The following SLC25A21 variants were observed in gnomAD, a reference collection of about 807,000 sequenced individuals.
SLC25A21 encodes mitochondrial 2-oxodicarboxylate carrier.
A neutral mutation model predicts 43.8 loss-of-function variants in SLC25A21; 47 were observed. The ratio of observed to expected loss-of-function variants is 1.07; its 90% confidence interval spans 0.85 to 1.37. The LOEUF is 1.37. Among genes scored for constraint, SLC25A21 ranks in the 40% most tolerant of loss-of-function variants. The probability of loss-of-function intolerance (pLI) is 0.00; values close to 1 mark genes in which losing one functional copy is unlikely to be tolerated. For synonymous variants in SLC25A21, 131 were observed against 121.3 expected, an observed-to-expected ratio of 1.08 and a Z score of -0.52; for missense variants, 352 against 350.2, an observed-to-expected ratio of 1.00 and a Z score of -0.04.
intron 1 of SLC25A21, among the ~76,000 whole-genome samples, chr14:37,034,827 G>A (rs1393277545): frequency 6.6e-6 from 1 of 152,230 alleles, no homozygotes; most frequent in East Asian, 1.9e-4. Flanking sequence ...GATGGACACA[G>A]GAGGGGTGAG....
intron 3 of SLC25A21, among the ~76,000 whole-genome samples, chr14:36,798,802 G>A (rs1887762842): frequency 6.6e-6 from 1 of 151,998 alleles, no homozygotes; most frequent in Non-Finnish European, 1.5e-5. Context: ...GAGAGATTAA[G>A]AAATATTTAA....
chr14:36,979,328 T>C (rs1444846776), intron 1 of SLC25A21, among the ~76,000 whole-genome samples: 10 of 150,700 alleles, frequency 6.6e-5, no homozygotes. Context: ...GTAGTGTTTT[T>C]TTGGTTTTTT....
At chr14:37,105,552 T>C (rs560513048) in intron 1 of SLC25A21, among the ~76,000 whole-genome samples, 1 of 152,258 alleles carries the variant, frequency 6.6e-6, no homozygotes, top group African/African-American at 2.4e-5. Context: ...TAGAATATGC[T>C]TTTTAATTTT....
intron 7 of SLC25A21, among the ~76,000 whole-genome samples, chr14:36,692,332 T>C (rs1882825440): frequency 6.6e-6 from 1 of 152,142 alleles, no homozygotes; most frequent in African/African-American, 2.4e-5. Flanking sequence ...AAATTCAACA[T>C]CAGAAACGTG....
At chr14:37,066,635 G>T (rs1467512291) in intron 1 of SLC25A21, among the ~76,000 whole-genome samples, 1 of 152,092 alleles carries the variant, frequency 6.6e-6, no homozygotes, top group Non-Finnish European at 1.5e-5. Flanking sequence ...CATGATGTAT[G>T]TAATTTACAA....
intron 1 of SLC25A21, among the ~76,000 whole-genome samples, chr14:37,034,309 G>A (rs1238792666): frequency 1.3e-5 from 2 of 152,014 alleles, no homozygotes; most frequent in East Asian, 1.9e-4. Context: ...ATGAGCCACC[G>A]TGCTTGGCCT....
At chr14:36,852,521 C>T (rs971372244) in intron 2 of SLC25A21, among the ~76,000 whole-genome samples, 2 of 152,054 alleles carry the variant, frequency 1.3e-5, no homozygotes, top group East Asian at 3.9e-4. Context: ...TCTTAGCCTA[C>T]GGAACTAGAT....
intron 1 of SLC25A21, among the ~76,000 whole-genome samples, chr14:37,066,466 T>C (rs778350313): frequency 6.6e-6 from 1 of 151,960 alleles, no homozygotes; most frequent in Non-Finnish European, 1.5e-5. Flanking sequence ...AAATGGATTA[T>C]GTGAACAGAT....
chr14:36,772,604 T>C lies in SLC25A21; in HGVS notation c.204-38031A>G, dbSNP rs529877161. Among the ~76,000 whole-genome samples, 17 of 152,346 alleles carry C rather than the reference T, an allele frequency of 1.1e-4. No homozygotes were observed. In the South Asian group the frequency reaches 3.5e-3, roughly 32 times the overall value. On this transcript the variant is annotated intron_variant, in intron 3 of 9. Transcript: ENST00000331299. The stretch of plus-strand genomic sequence containing the variant: ...TGATTGGAGAGGGATGTTGGGCGGC[T>C]GACTAGGCTAACACACTAGCTCCTC...
chr14:36,773,351 T>C (rs1389230688), intron 3 of SLC25A21, among the ~76,000 whole-genome samples: 1 of 152,210 alleles, frequency 6.6e-6, no homozygotes, highest in Non-Finnish European at 1.5e-5. Flanking sequence ...TTAACATTCA[T>C]CTGGGAGGAC....
chr14:37,044,558 C>T (rs1446996752), intron 1 of SLC25A21, among the ~76,000 whole-genome samples: 2 of 152,010 alleles, frequency 1.3e-5, no homozygotes, highest in Non-Finnish European at 2.9e-5. Context: ...TTGAATGTAC[C>T]ACAGGAACTT....
chr14:36,876,783 A>C (rs1241192886), intron 1 of SLC25A21, among the ~76,000 whole-genome samples: 1 of 151,480 alleles, frequency 6.6e-6, no homozygotes, highest in East Asian at 1.9e-4. Flanking sequence ...TTAATATTCT[A>C]TGTTTGTTGC....
chr14:36,785,765 G>A lies in SLC25A21; in HGVS notation c.203+28153C>T, dbSNP rs543871804. Among the ~76,000 whole-genome samples the A allele has an allele frequency of 2.4e-4, 36 of 152,138 alleles. No homozygotes were observed. In the South Asian group the frequency reaches 6.0e-3, roughly 25 times the overall value. On this transcript the variant is annotated intron_variant, in intron 3 of 9. Transcript: ENST00000331299. ...GTCACCTTGCAAGAAGAATAATGAC[G>A]GTGCAAGAACAGACATGCACAGGTA...
At chr14:37,093,198 T>C (rs989252966) in intron 1 of SLC25A21, among the ~76,000 whole-genome samples, 1 of 152,176 alleles carries the variant, frequency 6.6e-6, no homozygotes, top group African/African-American at 2.4e-5. Context: ...TCACCTTAAG[T>C]ATAAAGTGTT....
chr14:36,914,544 T>C (rs528119811), intron 1 of SLC25A21, among the ~76,000 whole-genome samples: 78 of 152,348 alleles, frequency 5.1e-4, no homozygotes, highest in African/African-American at 1.8e-3. Context: ...TGATCTTTGA[T>C]ATTTAAGACC....
At chr14:36,867,811 GTGT>G (rs1890255471) in intron 2 of SLC25A21, among the ~76,000 whole-genome samples, 8 of 152,038 alleles carry the variant, frequency 5.3e-5, no homozygotes, top group Middle Eastern at 3.4e-3. Flanking sequence ...GTGTGTGTGT[GTGT>G]GTGTGTGTAC....
rs567211365 is a variant in SLC25A21 at position 37,085,242 on chromosome 14, G to A, written c.70+87039C>T. On this transcript the variant is annotated intron_variant, in intron 1 of 9. Transcript: ENST00000331299. ...TTAAAACAGACAACACGCCACGCTCGTTGGATGACATCAGTTTTTGCCCCA... is the reference window on the plus strand; with the variant it reads ...TTAAAACAGACAACACGCCACGCTCATTGGATGACATCAGTTTTTGCCCCA... Among the ~76,000 whole-genome samples, 7 of 152,136 alleles carry A rather than the reference G, an allele frequency of 4.6e-5. No homozygotes were observed. In the East Asian group the frequency reaches 1.2e-3, roughly 25 times the overall value.
intron 1 of SLC25A21, among the ~76,000 whole-genome samples, chr14:37,000,717 G>A (rs1271137331): frequency 6.6e-6 from 1 of 152,180 alleles, no homozygotes; most frequent in East Asian, 1.9e-4. Flanking sequence ...TGGATCATGT[G>A]AGTGGGTTTC....
At chr14:36,701,424 A>G (rs1478583493) in intron 7 of SLC25A21, among the ~76,000 whole-genome samples, 1 of 152,188 alleles carries the variant, frequency 6.6e-6, no homozygotes, top group Non-Finnish European at 1.5e-5. Flanking sequence ...TGGGCTTTGG[A>G]ATGAAATCAA....
Sources: gnomAD v4.1 joint callset for allele counts (sites outside exome capture counted in the v4.1 genomes callset) on GRCh38, gnomAD v4.1.1 for gene constraint, MANE v1.5 for transcripts, NCBI Gene and HGNC (gene_info 2026-07-23, HGNC 2026-07-21) for gene names.